JAK3: variants seen among roughly 807,000 people sequenced by gnomAD.
The protein encoded by JAK3 is Janus kinase 3, also known as tyrosine-protein kinase JAK3.
Under a neutral mutation model 120.8 loss-of-function variants are expected in JAK3, and 88 were observed. The observed-to-expected ratio is 0.73, with a 90% CI of 0.61 to 0.87. The LOEUF (loss-of-function observed/expected upper bound fraction) is 0.87, where lower values mean the gene tolerates loss of function less well. Among genes scored for constraint, JAK3 ranks in the 40% least tolerant of loss-of-function variants. The pLI is 0.00. For missense variants in JAK3, 1,254 were observed against 1,501.4 expected (o/e 0.84, Z 2.72); for synonymous variants, 592 against 628.6 (o/e 0.94, Z 0.87).
chr19:17,838,505 G>C, intron 10 of JAK3, 115 bp from the exon 11 acceptor site: 1 of 1,129,008 alleles, frequency 8.9e-7, no homozygotes, highest in Non-Finnish European at 1.3e-6. Flanking sequence ...CTGAGATGAA[G>C]ACTTCAGGGC....
Position 17,841,906 on chromosome 19 carries a change from C to A in JAK3, c.862-144G>T. The A allele has an allele frequency of 1.9e-6, 2 of 1,049,228 alleles. No homozygotes were observed. The highest frequency in any genetic ancestry group is 2.8e-6 in the Non-Finnish European group (2 of 720,098). The allele number at this position is 1,049,228 out of a possible 1,614,324, so 65.0% of individuals were successfully genotyped here. Reference sequence around the variant, plus strand: ...AAGCCGCGCCCCCTCCTATCAACTCCAACCTCTCAACACCTCCCCTACCCA... The same window carrying A: ...AAGCCGCGCCCCCTCCTATCAACTCAAACCTCTCAACACCTCCCCTACCCA... On this transcript the variant is annotated intron_variant, in intron 6 of 23. Coordinates refer to ENST00000458235, the MANE Select transcript of JAK3 (RefSeq NM_000215.4). The surrounding 1 kb of genome is among the most constrained non-coding windows in gnomAD (Gnocchi z 4.1).
At position 17,842,567 on chromosome 19, in the gene JAK3, C is replaced by T. The variant is rs1039537226; in HGVS notation, c.610G>A (p.Gly204Ser). 8 of 1,587,406 alleles carry T rather than the reference C, an allele frequency of 5.0e-6. No homozygotes were observed. Among genetic ancestry groups the T allele is most frequent in the African/African-American group, 1.3e-5 (1 of 74,434 alleles). ...CGCCTCCGCGTCACGAAGCTCAGGC[C>T]CTGGATCAGGTCGCGCAGGCTTGGG... ...LPPSLRDLIQ[G>S]LSFVTRRRIR... The change falls in exon 6 of 24, where the codon GGC becomes AGC. Residue 204 changes from glycine (G) to serine (S), a missense_variant. Transcript: ENST00000458235. This position sits in a 1 kb window ranked among gnomAD's most constrained non-coding sequence, Gnocchi z 6.4.
Position 17,834,695 on chromosome 19 carries a change from C to T in JAK3, c.2226G>A (p.Gln742=), listed in dbSNP as rs1220704286. 1 of 1,614,114 alleles carries T rather than the reference C, an allele frequency of 6.2e-7. No individual in the cohort carries two copies. Among genetic ancestry groups the T allele is most frequent in the South Asian group, 1.1e-5 (1 of 91,086 alleles). The change falls in exon 17 of 24, where the codon CAG becomes CAA. Residue 742 remains glutamine (Q), a synonymous_variant. Coordinates refer to ENST00000458235, the MANE Select transcript of JAK3 (RefSeq NM_000215.4). ...AKKLQFYEDR[Q]QLPAPKWTEL... ...CTGTCCACTTGGGGGCCGGCAGCTG[C>T]TGCCGGTCCTCATAAAATTGGAGTT...
intron 9 of JAK3, 56 bp from the exon 10 acceptor site, chr19:17,839,719 G>T (rs2147691679): frequency 7.0e-5 from 81 of 1,163,434 alleles, no homozygotes; most frequent in Non-Finnish European, 9.5e-5. Flanking sequence ...CTCCTTCTCA[G>T]TCCTTCTTCC....
At chr19:17,837,310 G>A (rs924775162) in intron 12 of JAK3, 97 bp from the exon 13 acceptor site, 5 of 901,100 alleles carry the variant, frequency 5.5e-6, no homozygotes, top group Non-Finnish European at 9.0e-6. Context: ...GGAACACCTG[G>A]CCACAGGTCA....
chr19:17,833,104 T>C (rs1330416262), intron 17 of JAK3, among the ~76,000 whole-genome samples, 175 bp from the exon 18 acceptor site: 3 of 152,208 alleles, frequency 2.0e-5, no homozygotes. Flanking sequence ...TCCCACTCTG[T>C]CCCAGGCAAA....
intron 17 of JAK3, among the ~76,000 whole-genome samples, chr19:17,833,810 G>A (rs199944232): frequency 7.2e-5 from 11 of 152,002 alleles, no homozygotes; most frequent in Non-Finnish European, 1.3e-4. Context: ...CCAGGATCAC[G>A]CCACTGCACT....
Position 17,843,734 on chromosome 19 carries a change from G to A in JAK3, c.308+43C>T. ...TGGGCACCTCGAAATGCAAGGAGAT[G>A]ATAAAATTGTACAATCCCTGGGGGC... On this transcript the variant is annotated intron_variant, in intron 3 of 23. Coordinates refer to ENST00000458235, the MANE Select transcript of JAK3 (RefSeq NM_000215.4). This position sits in a 1 kb window ranked among gnomAD's most constrained non-coding sequence, Gnocchi z 5.4. 1 of 1,611,170 alleles carries A rather than the reference G, an allele frequency of 6.2e-7. No individual in the cohort carries two copies. The highest frequency in any genetic ancestry group is 1.1e-5 in the South Asian group (1 of 90,922).
chr19:17,841,718 G>A lies in JAK3; in HGVS notation c.906C>T (p.Ser302=), dbSNP rs773057671. The stretch of plus-strand genomic sequence containing the variant: ...GGCCAACGCGCGGGGCCTGCTTGAT[G>A]CTAATGTCTACGATTTCTGGAAAGT... ...FCDFPEIVDI[S]IKQAPRVGPA... is the part of the protein sequence containing the mutation. The change falls in exon 7 of 24, where the codon AGC becomes AGT. Residue 302 remains serine (S), a synonymous_variant. Coordinates refer to ENST00000458235, the MANE Select transcript of JAK3 (RefSeq NM_000215.4). The surrounding 1 kb of genome is among the most constrained non-coding windows in gnomAD (Gnocchi z 4.1). 1.2e-6 allele frequency: 2 copies of A among 1,612,574 alleles called. No individual in the cohort carries two copies. Among genetic ancestry groups the A allele is most frequent in the East Asian group, 2.2e-5 (1 of 44,870 alleles).
At position 17,840,870 on chromosome 19, in the gene JAK3, G is replaced by A. The variant is rs866929304; in HGVS notation, c.1142+519C>T. Among the ~76,000 whole-genome samples the A allele has an allele frequency of 1.5e-4, 23 of 152,214 alleles. 2 individuals are homozygous for A. The Middle Eastern group carries it at 0.041, about 270-fold the overall frequency. ...AGACAGGGTCTTGCTTGGTTGCCCA[G>A]GCTGGAGTGCAATCTCAGCTCACTG... On this transcript the variant is annotated intron_variant, in intron 8 of 23. Coordinates refer to ENST00000458235, the MANE Select transcript of JAK3 (RefSeq NM_000215.4).
At position 17,840,251 on chromosome 19, in the gene JAK3, G is replaced by A. The variant is rs1174094600; in HGVS notation, c.1233C>T (p.Phe411=). 1 of 1,613,602 alleles carries A rather than the reference G, an allele frequency of 6.2e-7. No individual in the cohort carries two copies. Among genetic ancestry groups the A allele is most frequent in the Admixed American group, 1.7e-5 (1 of 60,008 alleles). Residue 411 remains phenylalanine, a synonymous_variant, in exon 9 of 24, where the codon TTC becomes TTT. Coordinates refer to ENST00000458235, the MANE Select transcript of JAK3 (RefSeq NM_000215.4). Reference sequence around the variant, plus strand: ...CGACCTGGACACAGACAGTGAGGAGGAAGCTGTCAAAGTCCTGGGGGCTGC... The same window carrying A: ...CGACCTGGACACAGACAGTGAGGAGAAAGCTGTCAAAGTCCTGGGGGCTGC... ...LRRSPQDFDS[F]LLTVCVQNPL...
chr19:17,830,354 G>T, intron 22 of JAK3, 136 bp from the exon 23 acceptor site: 1 of 912,314 alleles, frequency 1.1e-6, no homozygotes, highest in Non-Finnish European at 1.7e-6. Flanking sequence ...GGGTCAGAAA[G>T]GTGAGGAAGC....
Position 17,831,724 on chromosome 19 carries a change from C to A in JAK3, c.2755G>T (p.Ala919Ser), listed in dbSNP as rs750358689. Reference sequence around the variant, plus strand: ...AGGAGGCGGCTGGCATCGAGGCGCGCGCGGTGCCGCTGCAGGAAGTCGCGC... The same window carrying A: ...AGGAGGCGGCTGGCATCGAGGCGCGAGCGGTGCCGCTGCAGGAAGTCGCGC... ...CLRDFLQRHR[A>S]RLDASRLLLY... The change falls in exon 20 of 24, where the codon GCG (alanine) becomes TCG (serine). Residue 919 changes from alanine to serine, a missense_variant. Ala to Ser is a moderately conservative substitution (Grantham distance 99). Around this residue, in one of 3 missense-constraint regions of JAK3, gnomAD observed 630 missense variants for 819.8 expected, o/e 0.77. Transcript: ENST00000458235. This position sits in a 1 kb window ranked among gnomAD's most constrained non-coding sequence, Gnocchi z 5.1. 1 of 1,611,808 alleles carries A rather than the reference C, an allele frequency of 6.2e-7. No homozygotes were observed. Among genetic ancestry groups the A allele is most frequent in the Non-Finnish European group, 8.5e-7 (1 of 1,179,572 alleles).
chr19:17,838,086 A>T, intron 11 of JAK3, 23 bp from the exon 12 acceptor site: 1 of 1,614,104 alleles, frequency 6.2e-7, no homozygotes, highest in Non-Finnish European at 8.5e-7. Flanking sequence ...GGGACAGCAG[A>T]AGAGGCCAGT....
chr19:17,837,046 T>C (rs2094225686), intron 13 of JAK3, 83 bp downstream of exon 13: 6 of 897,472 alleles, frequency 6.7e-6, no homozygotes, highest in Non-Finnish European at 1.0e-5. Context: ...GGGGCTGTCA[T>C]ATAGCGGCTC....
chr19:17,833,032 G>A (rs1599868817), intron 17 of JAK3, 103 bp from the exon 18 acceptor site: 2 of 1,524,792 alleles, frequency 1.3e-6, no homozygotes, highest in South Asian at 1.2e-5. Context: ...GACCCTCTCT[G>A]TGCATTATGG....
In JAK3 at chr19:17,844,796, CA is replaced by C. The variant is rs1227224590; in HGVS notation, c.-13-367del. Among the ~76,000 whole-genome samples, 411 of 92,788 alleles carry C rather than the reference CA, an allele frequency of 4.4e-3. 1 individual carries two copies. Among genetic ancestry groups the C allele is most frequent in the African/African-American group, 0.012 (299 of 25,212 alleles). The allele number at this position is 92,788 out of a possible 152,430, so 60.9% of individuals were successfully genotyped here. On this transcript the variant is annotated intron_variant, in intron 1 of 23. Transcript: ENST00000458235. ...TGGACAACAGAGTCAGACTCTGTCT[CA>C]AAAAAAAAAAAAAAAAGAAAGAAAG... is the stretch of plus-strand genomic sequence containing the variant.
At chr19:17,834,413 C>T (rs1025099087) in intron 17 of JAK3, among the ~76,000 whole-genome samples, 158 bp downstream of exon 17, 2 of 152,108 alleles carry the variant, frequency 1.3e-5, no homozygotes, top group African/African-American at 4.8e-5. Context: ...GGGGACTGTT[C>T]GTTACAGTAG....
chr19:17,842,036 C>A lies in JAK3; in HGVS notation c.862-274G>T, dbSNP rs7247763. On this transcript the variant is annotated intron_variant, in intron 6 of 23. Transcript: ENST00000458235. The surrounding 1 kb of genome is among the most constrained non-coding windows in gnomAD (Gnocchi z 6.4). ...CTTCGCAGCCTCCCAGCTCTCGGAG[C>A]CTCACTCTGCCTCTTAGTCTTGCCT... is the stretch of plus-strand genomic sequence containing the variant. Among the ~76,000 whole-genome samples, 6,576 of 151,500 alleles carry A rather than the reference C, an allele frequency of 0.043. 476 individuals are homozygous for A. Among genetic ancestry groups the A allele is most frequent in the African/African-American group, 0.15 (6,256 of 40,926 alleles).
Sources: gnomAD v4.1 joint callset for allele counts (sites outside exome capture counted in the v4.1 genomes callset) on GRCh38, gnomAD v4.1.1 for gene constraint, gnomAD v4.1.1 regional missense constraint, Gnocchi (gnomAD v3.1) non-coding constraint, MANE v1.5 for transcripts, NCBI Gene and HGNC (gene_info 2026-07-23, HGNC 2026-07-21) for gene names.